The following NF1 variants were observed in gnomAD, a reference collection of about 807,000 sequenced individuals.
NF1 encodes neurofibromin.
Under a neutral mutation model 325.7 loss-of-function variants are expected in NF1, and 122 were observed. That is an observed-to-expected ratio of 0.37 (90% CI 0.32 to 0.44). The LOEUF (loss-of-function observed/expected upper bound fraction) is 0.44. NF1 is among the 20% of genes least tolerant of loss of function. The probability of loss-of-function intolerance (pLI) is 1.00; values close to 1 mark genes in which losing one functional copy is unlikely to be tolerated. For synonymous variants in NF1, 1,091 were observed against 1,186.0 expected, an observed-to-expected ratio of 0.92 and a Z score of 1.65; for missense variants, 2,140 against 3,415.4, an observed-to-expected ratio of 0.63 and a Z score of 9.31.
chr17:31,110,562 A>G (rs1049879994), intron 1 of NF1, among the ~76,000 whole-genome samples: 13 of 152,208 alleles, frequency 8.5e-5, no homozygotes, highest in African/African-American at 2.9e-4. Context: ...TTATAATACT[A>G]TCATACTATT....
At chr17:31,284,623 G>A (rs2068189111) in intron 36 of NF1, among the ~76,000 whole-genome samples, 1 of 151,540 alleles carries the variant, frequency 6.6e-6, no homozygotes, top group African/African-American at 2.4e-5. Flanking sequence ...GTTTCGCTAT[G>A]TTGGCCAGGC....
At chr17:31,220,608 A>G (rs1360086436) in intron 14 of NF1, among the ~76,000 whole-genome samples, 1 of 152,158 alleles carries the variant, frequency 6.6e-6, no homozygotes. Context: ...GCTGTTAAAC[A>G]TTTATTAAAA....
At chr17:31,126,736 C>G (rs1914917101) in intron 1 of NF1, among the ~76,000 whole-genome samples, 1 of 152,106 alleles carries the variant, frequency 6.6e-6, no homozygotes, top group South Asian at 2.1e-4. Context: ...GCCACAGTGC[C>G]TAGCCTAGAT....
intron 36 of NF1, among the ~76,000 whole-genome samples, chr17:31,319,907 G>A (rs1031563790): frequency 4.6e-5 from 7 of 152,072 alleles, no homozygotes; most frequent in Non-Finnish European, 7.4e-5. Context: ...TAGAAATAGA[G>A]CATCAGGATC....
At position 31,358,558 on chromosome 17, in the gene NF1, A is replaced by G; in HGVS notation, c.8049A>G (p.Gly2683=). 1 of 1,613,976 alleles carries G rather than the reference A, an allele frequency of 6.2e-7. No individual in the cohort carries two copies. Among genetic ancestry groups the G allele is most frequent in the Non-Finnish European group, 8.5e-7 (1 of 1,179,936 alleles). ...CAAATTTGTTAAATCCAATCCATGG[A>G]ATTGTGCAGAGTGTGGTGTACCATG... ...QDPNLLNPIH[G]IVQSVVYHEE... is the part of the protein sequence containing the mutation. Residue 2683 remains glycine (G), a synonymous_variant, in exon 55 of 58, where the codon GGA becomes GGG. Coordinates refer to ENST00000358273, the MANE Select transcript of NF1 (RefSeq NM_001042492.3).
At position 31,375,401 on chromosome 17, in the gene NF1, T is replaced by G. The variant is rs1233598647; in HGVS notation, c.*1246T>G. The G allele has an allele frequency of 4.3e-6, 1 of 231,540 alleles. No homozygotes were observed. Among genetic ancestry groups the G allele is most frequent in the Non-Finnish European group, 8.6e-6 (1 of 116,734 alleles). The allele number at this position is 231,540 out of a possible 1,614,324, so 14.3% of individuals were successfully genotyped here. A position where few individuals can be genotyped will look rare whatever the true frequency, so the allele number is the denominator to read the frequency against. On this transcript the variant is annotated 3_prime_UTR_variant, in exon 58 of 58. Coordinates refer to ENST00000358273, the MANE Select transcript of NF1 (RefSeq NM_001042492.3). Reference sequence around the variant, plus strand: ...ATTAGTATGACAGTAGGGGGGCTGTTAGAATTGCTGCTATACTGGTGGTAT... The same window carrying G: ...ATTAGTATGACAGTAGGGGGGCTGTGAGAATTGCTGCTATACTGGTGGTAT...
At chr17:31,114,315 G>A (rs933104832) in intron 1 of NF1, among the ~76,000 whole-genome samples, 11 of 151,856 alleles carry the variant, frequency 7.2e-5, no homozygotes, top group Non-Finnish European at 1.2e-4. Context: ...GAGGCGGGTG[G>A]ATCACGAGGT....
At chr17:31,211,351 G>A (rs1417606974) in intron 12 of NF1, among the ~76,000 whole-genome samples, 1 of 152,160 alleles carries the variant, frequency 6.6e-6, no homozygotes, top group Non-Finnish European at 1.5e-5. Context: ...AGGTATTTGA[G>A]ATGAATTAAA....
chr17:31,235,980 C>T lies in NF1; in HGVS notation c.3933C>T (p.Ser1311=). ...LDPLLRIVIT[S]SDWQHVSFEV... ...CTTTATTACGAATTGTGATCACATC[C>T]TCTGATTGGCAACATGTTAGCTTTG... The change falls in exon 29 of 58, where the codon TCC becomes TCT. Residue 1311 remains serine, a synonymous_variant. Coordinates refer to ENST00000358273, the MANE Select transcript of NF1 (RefSeq NM_001042492.3). 2 of 1,613,930 alleles carry T rather than the reference C, an allele frequency of 1.2e-6. No homozygotes were observed. Among genetic ancestry groups the T allele is most frequent in the Non-Finnish European group, 1.7e-6 (2 of 1,179,962 alleles).
At chr17:31,177,144 A>C (rs1253961886) in intron 5 of NF1, among the ~76,000 whole-genome samples, 2 of 152,120 alleles carry the variant, frequency 1.3e-5, no homozygotes, top group Admixed American at 6.5e-5. Flanking sequence ...TGAGCATGGA[A>C]TGTTTTTCCG....
In NF1 at chr17:31,238,804, A is replaced by G. The variant is rs115195608; in HGVS notation, c.3974+2783A>G. On this transcript the variant is annotated intron_variant, in intron 29 of 57. Coordinates refer to ENST00000358273, the MANE Select transcript of NF1 (RefSeq NM_001042492.3). ...TTTGGCCCAATAAAACAATGGAGAT[A>G]TAATCAGATTGTAGAGTACTTCCCT... 3.3e-3 allele frequency among the ~76,000 whole-genome samples: 500 copies of G among 152,236 alleles called. 1 individual carries two copies. Among genetic ancestry groups the G allele is most frequent in the African/African-American group, 0.011 (466 of 41,552 alleles).
At chr17:31,155,058 C>T (rs1210218533) in intron 1 of NF1, among the ~76,000 whole-genome samples, 1 of 152,106 alleles carries the variant, frequency 6.6e-6, no homozygotes, top group Non-Finnish European at 1.5e-5. Context: ...TCAAAATAAT[C>T]GTCCATTATT....
chr17:31,349,432 A>G (rs926096515), intron 49 of NF1, among the ~76,000 whole-genome samples, 181 bp downstream of exon 49: 1 of 152,148 alleles, frequency 6.6e-6, no homozygotes, highest in Non-Finnish European at 1.5e-5. Flanking sequence ...TGTAGGAAAA[A>G]ATTTAATTCC....
intron 13 of NF1, among the ~76,000 whole-genome samples, chr17:31,218,224 A>T (rs1182754759): frequency 6.6e-6 from 1 of 152,144 alleles, no homozygotes; most frequent in Non-Finnish European, 1.5e-5. Flanking sequence ...CAAACCAGAG[A>T]TACGTTCTTT....
At chr17:31,286,585 C>G (rs1476772131) in intron 36 of NF1, among the ~76,000 whole-genome samples, 5 of 152,114 alleles carry the variant, frequency 3.3e-5, no homozygotes, top group Non-Finnish European at 5.9e-5. Flanking sequence ...AATTTTAGCT[C>G]CTATAAATAG....
chr17:31,151,911 C>G (rs1176116224), intron 1 of NF1, among the ~76,000 whole-genome samples: 3 of 151,936 alleles, frequency 2.0e-5, no homozygotes, highest in Non-Finnish European at 4.4e-5. Context: ...ACTTTAAGTT[C>G]TAGGGTACAT....
At chr17:31,219,774 G>A (rs1166163780) in intron 14 of NF1, among the ~76,000 whole-genome samples, 1 of 151,896 alleles carries the variant, frequency 6.6e-6, no homozygotes, top group African/African-American at 2.4e-5. Context: ...CTGTCTCTAT[G>A]GATTTGCTTG....
At chr17:31,241,439 G>C (rs1302069619) in intron 29 of NF1, among the ~76,000 whole-genome samples, 2 of 151,898 alleles carry the variant, frequency 1.3e-5, no homozygotes, top group East Asian at 1.9e-4. Flanking sequence ...CTTCCTTCCT[G>C]CCTTCCCTTT....
chr17:31,337,026 T>A (rs2069694921), intron 42 of NF1, 112 bp downstream of exon 42: 4 of 1,115,456 alleles, frequency 3.6e-6, no homozygotes, highest in Non-Finnish European at 5.3e-6. Flanking sequence ...AGTTGCTAAT[T>A]TAAGCCTCCA....
Sources: allele counts gnomAD v4.1 joint callset (sites outside exome capture counted in the v4.1 genomes callset), GRCh38; gene constraint gnomAD v4.1.1; transcripts MANE v1.5; gene names NCBI Gene and HGNC (gene_info 2026-07-23, HGNC 2026-07-21).